Variants in SLC8A1 observed in about 807,000 individuals in gnomAD.
The protein encoded by SLC8A1 is solute carrier family 8 member A1, also known as sodium/calcium exchanger 1.
Under a neutral mutation model 68.3 loss-of-function variants are expected in SLC8A1, and 18 were observed. The observed-to-expected ratio is 0.26, with a 90% confidence interval of 0.18 to 0.39. The LOEUF (loss-of-function observed/expected upper bound fraction) is 0.39, where lower values mean the gene tolerates loss of function less well. Among genes scored for constraint, SLC8A1 ranks in the 10% least tolerant of loss-of-function variants. The probability of loss-of-function intolerance (pLI) is 1.00; values close to 1 mark genes in which losing one functional copy is unlikely to be tolerated. For missense variants in SLC8A1, 985 were observed against 1,156.7 expected (o/e 0.85, Z 2.15); for synonymous variants, 475 against 415.5 (o/e 1.14, Z -1.74).
chr2:40,357,604 G>T (rs1004595293), intron 2 of SLC8A1, among the ~76,000 whole-genome samples: 40 of 151,794 alleles, frequency 2.6e-4, no homozygotes, highest in African/African-American at 9.7e-4. Flanking sequence ...AGGTTGAAGG[G>T]AGCAGTAAAC....
At chr2:40,447,590 A>T (rs1483523688) in intron 1 of SLC8A1, among the ~76,000 whole-genome samples, 1 of 13,522 alleles carries the variant, frequency 7.4e-5, no homozygotes, top group Non-Finnish European at 9.5e-5. Context: ...ATCCAAGTTA[A>T]AAAAAAAAAA....
intron 4 of SLC8A1, among the ~76,000 whole-genome samples, chr2:40,168,308 T>C (rs755047757): frequency 2.6e-5 from 4 of 151,982 alleles, no homozygotes; most frequent in African/African-American, 9.7e-5. Flanking sequence ...GAAGCACATA[T>C]AGAAGATTGC....
rs142135908 is a variant in SLC8A1, at chr2:40,314,855, C to T, written c.1808+113618G>A. Among the ~76,000 whole-genome samples the T allele has an allele frequency of 1.2e-3, 188 of 152,134 alleles. 1 individual carries two copies. The highest frequency in any genetic ancestry group is 4.2e-3 in the African/African-American group (175 of 41,542). ...TTCTGCATATTAATCTTGTACCCTG[C>T]AAACTTGTTAAACTCCCTTACTAGT... On this transcript the variant is annotated intron_variant, in intron 2 of 7. Coordinates refer to ENST00000406785, the Ensembl canonical transcript of SLC8A1.
intron 2 of SLC8A1, among the ~76,000 whole-genome samples, chr2:40,284,501 C>T (rs2067994498): frequency 1.4e-5 from 2 of 140,488 alleles, no homozygotes; most frequent in Non-Finnish European, 1.5e-5. Context: ...ACATATCTAG[C>T]CAACAATATA....
At chr2:40,179,589 A>G (rs965670849) in intron 2 of SLC8A1, among the ~76,000 whole-genome samples, 1 of 152,246 alleles carries the variant, frequency 6.6e-6, no homozygotes, top group Admixed American at 6.5e-5. Context: ...TTCCAGTAAC[A>G]TTGGCCAAGT....
At chr2:40,202,177 G>A (rs912231841) in intron 2 of SLC8A1, among the ~76,000 whole-genome samples, 9 of 151,926 alleles carry the variant, frequency 5.9e-5, no homozygotes, top group African/African-American at 1.2e-4. Flanking sequence ...ACAGTAAGAA[G>A]AGTAGGTCAA....
intron 1 of SLC8A1, among the ~76,000 whole-genome samples, chr2:40,458,253 CA>C (rs1184372174): frequency 6.6e-6 from 1 of 152,142 alleles, no homozygotes; most frequent in Non-Finnish European, 1.5e-5. Flanking sequence ...AGAGGACTTA[CA>C]AACGTTTAAG....
At chr2:40,233,707 T>C (rs1220713096) in intron 2 of SLC8A1, among the ~76,000 whole-genome samples, 1 of 148,818 alleles carries the variant, frequency 6.7e-6, no homozygotes, top group African/African-American at 2.5e-5. Flanking sequence ...CTAGGTTTTC[T>C]TCTAGGGTTT....
In SLC8A1 at chr2:40,323,894, G is replaced by A. The variant is rs1218896490; in HGVS notation, c.1808+104579C>T. 2.6e-5 allele frequency among the ~76,000 whole-genome samples: 4 copies of A among 152,008 alleles called. No homozygotes were observed. The East Asian group carries it at 7.7e-4, about 29-fold the overall frequency. On this transcript the variant is annotated intron_variant, in intron 2 of 7. Transcript: ENST00000406785. The stretch of plus-strand genomic sequence containing the variant: ...CTAGTATGAGAAAGGTGTTTCAGGA[G>A]TTTAATTGTAAAAAAATTATAAGAA...
intron 2 of SLC8A1, among the ~76,000 whole-genome samples, chr2:40,192,106 AT>A (rs1401550126): frequency 5.3e-5 from 8 of 152,078 alleles, no homozygotes; most frequent in African/African-American, 7.2e-5. Flanking sequence ...TATATAAGAG[AT>A]TTTTTTCACA....
chr2:40,417,503 CTTTTG>C (rs985324314), intron 2 of SLC8A1, among the ~76,000 whole-genome samples: 10 of 151,968 alleles, frequency 6.6e-5, no homozygotes, highest in African/African-American at 2.2e-4. Flanking sequence ...TTGTTTGTTT[CTTTTG>C]TTTTGTTTTT....
chr2:40,304,471 C>G (rs1192154708), intron 2 of SLC8A1, among the ~76,000 whole-genome samples: 2 of 152,154 alleles, frequency 1.3e-5, no homozygotes, highest in Non-Finnish European at 1.5e-5. Context: ...CCTAATGAAC[C>G]TGAGCCACCC....
At chr2:40,126,071 G>A (rs2038028331) in intron 7 of SLC8A1, among the ~76,000 whole-genome samples, 1 of 152,102 alleles carries the variant, frequency 6.6e-6, no homozygotes, top group Non-Finnish European at 1.5e-5. Context: ...ATGAATGTGA[G>A]GGCACGAGGT....
chr2:40,259,244 T>C (rs1251443882), intron 2 of SLC8A1, among the ~76,000 whole-genome samples: 2 of 146,374 alleles, frequency 1.4e-5, no homozygotes, highest in East Asian at 4.1e-4. Flanking sequence ...CTTCCAAGGA[T>C]GGAGATAATA....
chr2:40,468,686 C>T (rs545718125), intron 1 of SLC8A1, among the ~76,000 whole-genome samples: 2 of 152,126 alleles, frequency 1.3e-5, no homozygotes, highest in African/African-American at 4.8e-5. Context: ...GTGGAACAAA[C>T]CCCATATACC....
intron 1 of SLC8A1, among the ~76,000 whole-genome samples, chr2:40,439,427 G>C (rs562108047): frequency 2.0e-5 from 3 of 152,182 alleles, no homozygotes; most frequent in Non-Finnish European, 4.4e-5. Flanking sequence ...AAGTTCTTTA[G>C]GGGGCAGCCC....
chr2:40,268,758 G>T (rs1423051198), intron 2 of SLC8A1, among the ~76,000 whole-genome samples: 1 of 152,092 alleles, frequency 6.6e-6, no homozygotes, highest in African/African-American at 2.4e-5. Context: ...CTCAGTGAGT[G>T]ACAGCCCAAG....
At chr2:40,232,889 G>T (rs201335108) in intron 2 of SLC8A1, among the ~76,000 whole-genome samples, 88,467 of 142,802 alleles carry the variant, frequency 0.62, 27,640 homozygotes, top group Middle Eastern at 0.76. Flanking sequence ...GAGAATGATG[G>T]TTTCCAATTT....
chr2:40,399,606 C>T (rs1688070169), intron 2 of SLC8A1, among the ~76,000 whole-genome samples: 1 of 152,074 alleles, frequency 6.6e-6, no homozygotes, highest in South Asian at 2.1e-4. Context: ...CTAAATGCTC[C>T]CTAGGGGCCT....
Sources: gnomAD v4.1 joint callset for allele counts (sites outside exome capture counted in the v4.1 genomes callset) on GRCh38, gnomAD v4.1.1 for gene constraint, MANE v1.5 for transcripts, NCBI Gene and HGNC (gene_info 2026-07-23, HGNC 2026-07-21) for gene names.